Variants in ZNF404 observed in about 807,000 individuals in gnomAD.
The protein encoded by ZNF404 is zinc finger protein 404.
Under a neutral mutation model 7.3 loss-of-function variants are expected in ZNF404, and 7 were observed. The ratio of observed to expected loss-of-function variants is 0.95; its 90% confidence interval spans 0.54 to 1.79. ZNF404 has a LOEUF of 1.79. Among genes scored for constraint, ZNF404 ranks in the 40% most tolerant of loss-of-function variants. The pLI is 0.00. For synonymous variants in ZNF404, 191 were observed against 209.9 expected (o/e 0.91, Z 0.78); for missense variants, 560 against 661.5 (o/e 0.85, Z 1.68).
chr19:43,880,548 T>C (rs371583420), intron 1 of ZNF404, among the ~76,000 whole-genome samples: 2 of 152,202 alleles, frequency 1.3e-5, no homozygotes, highest in Admixed American at 6.5e-5. Context: ...AATTGTATTA[T>C]AAAATCTTTT....
chr19:43,877,538 A>G (rs1036155280), intron 2 of ZNF404, among the ~76,000 whole-genome samples: 1 of 152,088 alleles, frequency 6.6e-6, no homozygotes, highest in African/African-American at 2.4e-5. Flanking sequence ...AAACATTAAG[A>G]GGGATCAGAT....
chr19:43,874,999 A>G (rs1971842252), intron 2 of ZNF404, among the ~76,000 whole-genome samples: 2 of 152,184 alleles, frequency 1.3e-5, no homozygotes. Flanking sequence ...ATTTCTGAAA[A>G]TTATGTAAAA....
At chr19:43,883,656 A>G (rs572970697) in intron 1 of ZNF404, among the ~76,000 whole-genome samples, 2 of 152,306 alleles carry the variant, frequency 1.3e-5, no homozygotes, top group African/African-American at 4.8e-5. Context: ...GAAACCATGA[A>G]CCTGACAACG....
chr19:43,880,629 A>G (rs1422520336), intron 1 of ZNF404, among the ~76,000 whole-genome samples: 3 of 152,206 alleles, frequency 2.0e-5, no homozygotes, highest in African/African-American at 4.8e-5. Context: ...TGAACAAAAT[A>G]TATTAAACCA....
At chr19:43,881,900 T>G (rs1000660408) in intron 1 of ZNF404, among the ~76,000 whole-genome samples, 7 of 140,164 alleles carry the variant, frequency 5.0e-5, no homozygotes, top group African/African-American at 1.4e-4. Flanking sequence ...GAGGTTGCAG[T>G]GAGCCAAGAT....
At chr19:43,876,110 G>A (rs1312952572) in intron 2 of ZNF404, among the ~76,000 whole-genome samples, 1 of 152,094 alleles carries the variant, frequency 6.6e-6, no homozygotes, top group African/African-American at 2.4e-5. Context: ...GATTGTTTGA[G>A]GCCAAGAGTT....
chr19:43,879,537 T>A (rs1971878286), intron 2 of ZNF404, among the ~76,000 whole-genome samples: 1 of 152,148 alleles, frequency 6.6e-6, no homozygotes, highest in Non-Finnish European at 1.5e-5. Context: ...CTGCTAGAAC[T>A]ACAAAAATAA....
In ZNF404 at chr19:43,872,443, C is replaced by A; in HGVS notation, c.*112G>T. 1.3e-6 allele frequency: 1 copy of A among 754,158 alleles called. No individual in the cohort carries two copies. The highest frequency in any genetic ancestry group is 2.0e-6 in the Non-Finnish European group (1 of 502,276). 46.7% of individuals were successfully genotyped at this position (754,158 alleles called of 1,614,324 possible). A position where few individuals can be genotyped will look rare whatever the true frequency, so the allele number is the denominator to read the frequency against. The stretch of plus-strand genomic sequence containing the variant: ...GTATTTAGTAAGCAAATACGATGTG[C>A]CAGATGCCTTTCCAAGTATTTATAT... On this transcript the variant is annotated 3_prime_UTR_variant, in exon 3 of 3. Transcript: ENST00000587539. This position sits in a 1 kb window ranked among gnomAD's most constrained non-coding sequence, Gnocchi z 4.4.
intron 1 of ZNF404, 62 bp from the exon 2 acceptor site, chr19:43,880,198 T>A: frequency 1.4e-6 from 2 of 1,444,530 alleles, no homozygotes; most frequent in South Asian, 1.3e-5. Context: ...GATGGAACAT[T>A]AAATTGCAAT....
intron 2 of ZNF404, 56 bp downstream of exon 2, chr19:43,879,954 A>C: frequency 1.2e-6 from 2 of 1,601,028 alleles, no homozygotes; most frequent in Non-Finnish European, 1.7e-6. Flanking sequence ...TATACAACAG[A>C]GAAGGCTGAT....
In ZNF404 at chr19:43,880,039, A is replaced by G. The variant is rs747063485; in HGVS notation, c.107T>C (p.Leu36Ser). 1.9e-6 allele frequency: 3 copies of G among 1,613,838 alleles called. No individual in the cohort carries two copies. Among genetic ancestry groups the G allele is most frequent in the Non-Finnish European group, 2.5e-6 (3 of 1,179,752 alleles). ...DQRDLYRDVM[L>S]ENYTNLVSLD... Reference sequence around the variant, plus strand: ...TGAGACCAAGTTAGTATAATTCTCCAACATCACATCTCTGTACAAATCCCT... The same window carrying G: ...TGAGACCAAGTTAGTATAATTCTCCGACATCACATCTCTGTACAAATCCCT... Residue 36 changes from leucine (L) to serine (S), a missense_variant, in exon 2 of 3, where the codon TTG becomes TCG. Physicochemically the swap from Leu to Ser is moderately radical, Grantham distance 145. Transcript: ENST00000587539.
In ZNF404 at chr19:43,872,470, C is replaced by G. The variant is rs1404037142; in HGVS notation, c.*85G>C. ...AGATGCCTTTCCAAGTATTTATATT[C>G]TATATTAACTAGTTTAATCTTCACT... is the stretch of plus-strand genomic sequence containing the variant. On this transcript the variant is annotated 3_prime_UTR_variant, in exon 3 of 3. Coordinates refer to ENST00000587539, the MANE Select transcript of ZNF404 (RefSeq NM_001033719.3). This position sits in a 1 kb window ranked among gnomAD's most constrained non-coding sequence, Gnocchi z 4.4. 9.4e-7 allele frequency: 1 copy of G among 1,065,774 alleles called. No individual in the cohort carries two copies. The highest frequency in any genetic ancestry group is 1.3e-6 in the Non-Finnish European group (1 of 773,038). 66.0% of individuals were successfully genotyped at this position (1,065,774 alleles called of 1,614,324 possible).
chr19:43,877,224 C>G (rs1295398226), intron 2 of ZNF404, among the ~76,000 whole-genome samples: 2 of 151,796 alleles, frequency 1.3e-5, no homozygotes, highest in Non-Finnish European at 2.9e-5. Flanking sequence ...GAAAGTAAAA[C>G]AATAACAACA....
chr19:43,879,604 C>G lies in ZNF404; in HGVS notation c.136+406G>C, dbSNP rs114628845. Among the ~76,000 whole-genome samples the G allele has an allele frequency of 8.2e-3, 1,245 of 152,260 alleles. 17 individuals carry two copies. The highest frequency in any genetic ancestry group is 0.029 in the African/African-American group (1,193 of 41,540). On this transcript the variant is annotated intron_variant, in intron 2 of 2. Coordinates refer to ENST00000587539, the MANE Select transcript of ZNF404 (RefSeq NM_001033719.3). ...TACTACTATAAAAATTATGGAGGCT[C>G]TTTTGTGGTAAAGAGAAAACCATGG...
In ZNF404 at chr19:43,872,898, T is replaced by C. The variant is rs776103957; in HGVS notation, c.1316A>G (p.Tyr439Cys). The C allele has an allele frequency of 5.6e-5, 90 of 1,607,852 alleles. No homozygotes were observed. Among genetic ancestry groups the C allele is most frequent in the Non-Finnish European group, 6.9e-5 (81 of 1,176,616 alleles). ...HQSIHAGEKP[Y>C]ECKECGKTFR... is the part of the protein sequence containing the mutation. ...GGTTTTTCCACATTCCTTACATTCA[T>C]AGGGTTTCTCCCCAGCATGAATTGA... The change falls in exon 3 of 3, where the codon TAT becomes TGT. Residue 439 changes from tyrosine to cysteine, a missense_variant. Tyr to Cys is a radical substitution (Grantham distance 194, BLOSUM62 -2). Transcript: ENST00000587539. This position sits in a 1 kb window ranked among gnomAD's most constrained non-coding sequence, Gnocchi z 4.4.
intron 2 of ZNF404, 38 bp from the exon 3 acceptor site, chr19:43,874,115 C>A: frequency 7.4e-7 from 1 of 1,357,966 alleles, no homozygotes; most frequent in Non-Finnish European, 9.8e-7. Flanking sequence ...TGCTATTTTC[C>A]AATAATAGGG....
At chr19:43,881,469 TA>T (rs1177504976) in intron 1 of ZNF404, among the ~76,000 whole-genome samples, 4 of 152,072 alleles carry the variant, frequency 2.6e-5, no homozygotes, top group African/African-American at 9.7e-5. Context: ...AAATACTGAA[TA>T]TCAAATGAAA....
intron 2 of ZNF404, among the ~76,000 whole-genome samples, chr19:43,878,425 G>T (rs562354270): frequency 6.6e-6 from 1 of 151,840 alleles, no homozygotes; most frequent in Non-Finnish European, 1.5e-5. Flanking sequence ...TTTTTGATGG[G>T]GTTGTTTGTT....
At chr19:43,875,464 A>T (rs1034404854) in intron 2 of ZNF404, among the ~76,000 whole-genome samples, 5 of 152,170 alleles carry the variant, frequency 3.3e-5, no homozygotes, top group African/African-American at 1.2e-4. Flanking sequence ...GCATCTCAGT[A>T]ATTTTTCAGG....
Sources: allele counts gnomAD v4.1 joint callset (sites outside exome capture counted in the v4.1 genomes callset), GRCh38; gene constraint gnomAD v4.1.1; non-coding constraint Gnocchi (gnomAD v3.1); transcripts MANE v1.5; gene names NCBI Gene and HGNC (gene_info 2026-07-23, HGNC 2026-07-21).